CEP128: variants seen among roughly 807,000 people sequenced by gnomAD.
CEP128 encodes centrosomal protein 128.
Under a neutral mutation model 156.7 loss-of-function variants are expected in CEP128, and 132 were observed. The observed-to-expected ratio is 0.84, with a 90% CI of 0.73 to 0.97. The LOEUF (loss-of-function observed/expected upper bound fraction) is 0.97. Ranked by LOEUF, CEP128 falls within the 50% of genes least tolerant of loss-of-function variation. The probability of loss-of-function intolerance (pLI) is 0.00; values close to 1 mark genes in which losing one functional copy is unlikely to be tolerated. For synonymous variants in CEP128, 469 were observed against 448.9 expected (o/e 1.04, Z -0.57); for missense variants, 1,252 against 1,281.9 (o/e 0.98, Z 0.36).
chr14:80,760,156 A>G (rs1178556056), intron 17 of CEP128, among the ~76,000 whole-genome samples: 1 of 152,034 alleles, frequency 6.6e-6, no homozygotes. Flanking sequence ...TAGGAAAAAA[A>G]AAAAGTTAGA....
intron 18 of CEP128, among the ~76,000 whole-genome samples, chr14:80,749,853 T>G (rs955129951): frequency 2.6e-4 from 40 of 152,186 alleles, no homozygotes; most frequent in African/African-American, 9.7e-4. Flanking sequence ...ATACATTGCA[T>G]GCCTATAGCA....
chr14:80,841,089 G>A (rs1802678983), intron 9 of CEP128, among the ~76,000 whole-genome samples: 1 of 151,850 alleles, frequency 6.6e-6, no homozygotes. Context: ...AATAAAATGA[G>A]GAAAAAGAAA....
chr14:80,567,924 A>G (rs1890983749), intron 20 of CEP128, among the ~76,000 whole-genome samples: 1 of 151,712 alleles, frequency 6.6e-6, no homozygotes, highest in African/African-American at 2.4e-5. Context: ...AGCACACCAT[A>G]TATTTTTCAA....
At chr14:80,924,594 G>C (rs2079391989) in intron 2 of CEP128, among the ~76,000 whole-genome samples, 2 of 152,064 alleles carry the variant, frequency 1.3e-5, no homozygotes, top group South Asian at 2.1e-4. Context: ...AAGTTTGACA[G>C]GTGGATGAGA....
At chr14:80,792,358 AC>A (rs2139842051) in intron 14 of CEP128, among the ~76,000 whole-genome samples, 1 of 152,262 alleles carries the variant, frequency 6.6e-6, no homozygotes, top group Non-Finnish European at 1.5e-5. Flanking sequence ...TCTAACCAAT[AC>A]CTAGTTGAAA....
At chr14:80,572,653 A>C (rs17110803) in intron 20 of CEP128, among the ~76,000 whole-genome samples, 22,853 of 152,156 alleles carry the variant, frequency 0.15, 1,835 homozygotes, top group South Asian at 0.23. Context: ...AAAAACTCCC[A>C]GATAAACTTA....
downstream of CEP128, among the ~76,000 whole-genome samples, chr14:80,487,371 T>C (rs182339425): frequency 1.1e-4 from 16 of 152,318 alleles, no homozygotes; most frequent in East Asian, 7.7e-4. Context: ...CCCAGATTCA[T>C]AAAGCAAGTC....
chr14:80,912,846 A>G (rs1884327743), intron 4 of CEP128, among the ~76,000 whole-genome samples: 1 of 152,190 alleles, frequency 6.6e-6, no homozygotes. Flanking sequence ...GATATGTATA[A>G]AACAGTCATT....
At chr14:80,527,296 G>A (rs1031116940) in intron 22 of CEP128, 2 of 449,980 alleles carry the variant, frequency 4.4e-6, no homozygotes, top group African/African-American at 2.0e-5. Flanking sequence ...CAGATATGGT[G>A]GTGCATGGCT....
At chr14:80,641,562 T>C (rs528875235) in intron 19 of CEP128, among the ~76,000 whole-genome samples, 51 of 152,344 alleles carry the variant, frequency 3.3e-4, no homozygotes, top group Non-Finnish European at 5.9e-4. Context: ...GTAGAAAGTA[T>C]GCACAGAACA....
At chr14:80,560,900 T>C (rs1405835159) in intron 20 of CEP128, among the ~76,000 whole-genome samples, 1 of 152,082 alleles carries the variant, frequency 6.6e-6, no homozygotes, top group East Asian at 1.9e-4. Flanking sequence ...TTTATATATA[T>C]ATATATCTCC....
At chr14:80,723,113 A>AC in intron 19 of CEP128, among the ~76,000 whole-genome samples, 1 of 152,206 alleles carries the variant, frequency 6.6e-6, no homozygotes, top group Non-Finnish European at 1.5e-5. Context: ...GCCATGAGCC[A>AC]CCGCACCCGG....
intron 19 of CEP128, among the ~76,000 whole-genome samples, chr14:80,593,978 T>G (rs1489142839): frequency 6.6e-6 from 1 of 152,118 alleles, no homozygotes; most frequent in Non-Finnish European, 1.5e-5. Context: ...CTACTTTAAA[T>G]TTCATATGGA....
intron 19 of CEP128, among the ~76,000 whole-genome samples, chr14:80,666,068 A>G (rs1486153195): frequency 6.6e-6 from 1 of 152,172 alleles, no homozygotes; most frequent in East Asian, 1.9e-4. Flanking sequence ...AGGAGAGGAC[A>G]ACCACCAGGG....
intron 20 of CEP128, among the ~76,000 whole-genome samples, chr14:80,579,691 C>G (rs1436459395): frequency 6.6e-6 from 1 of 152,180 alleles, no homozygotes; most frequent in African/African-American, 2.4e-5. Flanking sequence ...TAGTCCCCAA[C>G]CTGACATTAA....
rs112869598 is a variant in CEP128 at position 80,956,781 on chromosome 14, A to G, written c.-172+1397T>C. Among the ~76,000 whole-genome samples the G allele has an allele frequency of 4.9e-3, 744 of 152,300 alleles. 6 individuals are homozygous for G. The highest frequency in any genetic ancestry group is 0.017 in the African/African-American group (703 of 41,552). ...CTCAAGAATTTAGCTCATGAAGACT[A>G]TTTAACAGTAGATGAATATTTGAGC... On this transcript the variant is annotated intron_variant, in intron 2 of 7. Coordinates refer to the CEP128 transcript ENST00000555529.
intron 23 of CEP128, 56 bp downstream of exon 23, chr14:80,526,813 G>T: frequency 1.1e-6 from 1 of 931,500 alleles, no homozygotes; most frequent in Non-Finnish European, 1.7e-6. Flanking sequence ...TTAAGAGGTT[G>T]TAGCCTTAAA....
At position 80,622,913 on chromosome 14, in the gene CEP128, G is replaced by T. The variant is rs1242655966; in HGVS notation, c.2807-42490C>A. ...GAAGTCAGTGTGGCGATTCCTCAGGGATCTAGAACTAGAAATACCATTTGA... is the reference window on the plus strand; with the variant it reads ...GAAGTCAGTGTGGCGATTCCTCAGGTATCTAGAACTAGAAATACCATTTGA... On this transcript the variant is annotated intron_variant, in intron 19 of 24. Transcript: ENST00000555265. Among the ~76,000 whole-genome samples the T allele has an allele frequency of 5.9e-5, 9 of 151,414 alleles. No homozygotes were observed. In the South Asian group the frequency reaches 6.3e-4, roughly 11 times the overall value.
chr14:80,785,400 T>C lies in CEP128; in HGVS notation c.1706A>G (p.Asp569Gly). ...ELHSKEEKLRDIKSHQADLEL... is the reference protein window; with the variant it reads ...ELHSKEEKLRGIKSHQADLEL... The stretch of plus-strand genomic sequence containing the variant: ...AAGGTCAGCTTGATGAGACTTAATA[T>C]CACGTAATTTCTCCTCCTTGGAGTG... The change falls in exon 15 of 25, where the codon GAT (aspartate) becomes GGT (glycine). Residue 569 changes from aspartate (D) to glycine (G), a missense_variant. Coordinates refer to ENST00000555265, the MANE Select transcript of CEP128 (RefSeq NM_152446.5). 6.2e-7 allele frequency: 1 copy of C among 1,614,146 alleles called. No homozygotes were observed. The highest frequency in any genetic ancestry group is 8.5e-7 in the Non-Finnish European group (1 of 1,180,002).
Sources: allele counts gnomAD v4.1 joint callset (sites outside exome capture counted in the v4.1 genomes callset), GRCh38; gene constraint gnomAD v4.1.1; transcripts MANE v1.5; gene names NCBI Gene and HGNC (gene_info 2026-07-23, HGNC 2026-07-21).